Variants in MFNG observed in about 807,000 individuals in gnomAD.
MFNG encodes the protein MFNG O-fucosylpeptide 3-beta-N-acetylglucosaminyltransferase.
A neutral mutation model predicts 34.2 loss-of-function variants in MFNG; 24 were observed. The ratio of observed to expected loss-of-function variants is 0.70; its 90% CI spans 0.51 to 0.99. The LOEUF (loss-of-function observed/expected upper bound fraction) is 0.99. Among genes scored for constraint, MFNG ranks in the 50% least tolerant of loss-of-function variants. MFNG has a pLI of 0.00. For synonymous variants in MFNG, 158 were observed against 179.2 expected (o/e 0.88, Z 0.94); for missense variants, 383 against 424.0 (o/e 0.90, Z 0.85).
intron 3 of MFNG, 55 bp downstream of exon 3, chr22:37,480,142 G>T: frequency 2.1e-6 from 3 of 1,432,850 alleles, no homozygotes; most frequent in Non-Finnish European, 1.9e-6. Context: ...AGTCCCAGGG[G>T]TTATTTTCAC....
chr22:37,472,359 C>G (rs1489720289), intron 7 of MFNG, 84 bp downstream of exon 7: 1 of 1,049,966 alleles, frequency 9.5e-7, no homozygotes, highest in Non-Finnish European at 1.4e-6. Flanking sequence ...CTGTCCCACT[C>G]CACTCCCTCC....
chr22:37,481,500 A>C (rs956821343), intron 1 of MFNG: 4 of 152,340 alleles, frequency 2.6e-5, no homozygotes, highest in Non-Finnish European at 5.9e-5. Flanking sequence ...CTCAGCCCCT[A>C]CATAATCCAA....
In MFNG at chr22:37,479,417, G is replaced by A. The variant is rs765505658; in HGVS notation, c.489C>T (p.Arg163=). Residue 163 remains arginine (R), a synonymous_variant, in exon 4 of 8, where the codon CGC becomes CGT. Transcript: ENST00000356998. ...GGCTGGGCCTTCCCACATAGACGTC[G>A]CGGGCCAGCGGGAAGGCTCTCAGAA... is the stretch of plus-strand genomic sequence containing the variant. ...LQLLRAFPLA[R]DVYVGRPSLN... is the part of the protein sequence containing the mutation. 16 of 1,609,050 alleles carry A rather than the reference G, an allele frequency of 9.9e-6. No homozygotes were observed. The highest frequency in any genetic ancestry group is 5.5e-5 in the South Asian group (5 of 90,320).
At chr22:37,472,781 A>G in intron 6 of MFNG, 1 of 378,032 alleles carries the variant, frequency 2.6e-6, no homozygotes, top group African/African-American at 2.1e-5. Flanking sequence ...CAATACCCCC[A>G]TCTACAGATT....
intron 5 of MFNG, among the ~76,000 whole-genome samples, chr22:37,475,566 G>T (rs1922000871): frequency 6.6e-6 from 1 of 152,160 alleles, no homozygotes; most frequent in Admixed American, 6.5e-5. Flanking sequence ...AGGGGAGACA[G>T]GAACAGAGTC....
chr22:37,476,550 G>T (rs770122938), intron 5 of MFNG, among the ~76,000 whole-genome samples: 4 of 152,050 alleles, frequency 2.6e-5, no homozygotes, highest in Non-Finnish European at 2.9e-5. Context: ...GTCAGAAAAG[G>T]GCGGTAAATA....
intron 6 of MFNG, among the ~76,000 whole-genome samples, chr22:37,473,840 G>A (rs992297033): frequency 1.3e-5 from 2 of 152,256 alleles, no homozygotes; most frequent in African/African-American, 4.8e-5. Context: ...AGGTTAGCCA[G>A]TTCACGTTGA....
At position 37,474,669 on chromosome 22, in the gene MFNG, C is replaced by T. The variant is rs187717004; in HGVS notation, c.656G>A (p.Arg219His). ...GATGAGAGCAGATGTGTCCATGAAA[C>T]GGGAGCCACTGAGGGACAGAGCCAG... ...LKMAPWASGS[R>H]FMDTSALIRL... Residue 219 changes from arginine (R) to histidine (H), a missense_variant, in exon 6 of 8, where the codon CGT becomes CAT. By Grantham distance (29) the Arg-to-His change is conservative. Coordinates refer to ENST00000356998, the MANE Select transcript of MFNG (RefSeq NM_002405.4). 33 of 1,600,962 alleles carry T rather than the reference C, an allele frequency of 2.1e-5. No individual in the cohort carries two copies. In the African/African-American group the frequency reaches 2.7e-4, roughly 13 times the overall value.
intron 1 of MFNG, chr22:37,484,313 A>G (rs1345533415): frequency 6.9e-6 from 1 of 145,552 alleles, no homozygotes; most frequent in East Asian, 2.3e-4. Flanking sequence ...CGGTCCAGAC[A>G]CTCCTGCCCC....
chr22:37,479,441 A>C lies in MFNG; in HGVS notation c.465T>G (p.Leu155=). ...NYVNPRALLQ[L]LRAFPLARDV... is the part of the protein sequence containing the mutation. ...CGCGGGCCAGCGGGAAGGCTCTCAG[A>C]AGCTGCAGCAGCGCCCTTGGGTTCA... Residue 155 remains leucine, a synonymous_variant, in exon 4 of 8, where the codon CTT becomes CTG. Transcript: ENST00000356998. 6.2e-7 allele frequency: 1 copy of C among 1,609,794 alleles called. No homozygotes were observed.
chr22:37,476,824 G>A (rs1922062161), intron 5 of MFNG, 72 bp downstream of exon 5: 2 of 1,257,362 alleles, frequency 1.6e-6, no homozygotes, highest in Non-Finnish European at 2.3e-6. Context: ...CCTTCCTGCT[G>A]CAAAGGCCCC....
At chr22:37,477,919 A>G (rs997463548) in intron 4 of MFNG, among the ~76,000 whole-genome samples, 15 of 152,140 alleles carry the variant, frequency 9.9e-5, no homozygotes, top group African/African-American at 3.4e-4. Context: ...AGGTGAGGTG[A>G]CCTCAGTCAA....
chr22:37,474,574 G>A lies in MFNG; in HGVS notation c.751C>T (p.Pro251Ser), dbSNP rs1921954131. The change falls in exon 6 of 8, where the codon CCC becomes TCC. Residue 251 changes from proline (P) to serine (S), a missense_variant. Transcript: ENST00000356998. ...GTCTCCAGGTGGGAGTGAAAGAGGG[G>A]GCTGGGCTGCAGGCGGCCGCCCAGC... ...CKLGGRLQPSPLFHSHLETLQ... is the reference protein window; with the variant it reads ...CKLGGRLQPSSLFHSHLETLQ... 1 of 1,614,068 alleles carries A rather than the reference G, an allele frequency of 6.2e-7. No homozygotes were observed. The highest frequency in any genetic ancestry group is 8.5e-7 in the Non-Finnish European group (1 of 1,180,030).
At chr22:37,480,138 A>T (rs1181155878) in intron 3 of MFNG, 59 bp downstream of exon 3, 2 of 1,365,420 alleles carry the variant, frequency 1.5e-6, no homozygotes, top group African/African-American at 2.9e-5. Context: ...CAGGAGTCCC[A>T]GGGGTTATTT....
At position 37,469,680 on chromosome 22, in the gene MFNG, C is replaced by T; in HGVS notation, c.*283G>A. 3.9e-6 allele frequency: 2 copies of T among 515,388 alleles called. No individual in the cohort carries two copies. The allele number at this position is 515,388 out of a possible 1,614,324, so 31.9% of individuals were successfully genotyped here. On this transcript the variant is annotated 3_prime_UTR_variant, in exon 8 of 8. Coordinates refer to ENST00000356998, the MANE Select transcript of MFNG (RefSeq NM_002405.4). ...CCTGAGCCCCAGCCCAGCTCAAGTG[C>T]CCCCTGCCCTTTTTCAATTCAGCCT...
At position 37,474,577 on chromosome 22, in the gene MFNG, T is replaced by C. The variant is rs570555212; in HGVS notation, c.748A>G (p.Ser250Gly). The C allele has an allele frequency of 1.2e-6, 2 of 1,614,160 alleles. No homozygotes were observed. The highest frequency in any genetic ancestry group is 1.3e-5 in the African/African-American group (1 of 75,048). Residue 250 changes from serine (S) to glycine (G), a missense_variant, in exon 6 of 8, where the codon AGC (serine) becomes GGC (glycine). Physicochemically the swap from Ser to Gly is moderately conservative, Grantham distance 56 (BLOSUM62 0). Transcript: ENST00000356998. ...TCCAGGTGGGAGTGAAAGAGGGGGC[T>C]GGGCTGCAGGCGGCCGCCCAGCTTG... ...ECKLGGRLQP[S>G]PLFHSHLETL...
In MFNG at chr22:37,472,775, A is replaced by G. The variant is rs1921868745; in HGVS notation, c.814-247T>C. 3.6e-5 allele frequency: 14 copies of G among 392,644 alleles called. No homozygotes were observed. In the East Asian group the frequency reaches 6.5e-4, roughly 18 times the overall value. The allele number at this position is 392,644 out of a possible 1,614,324, so 24.3% of individuals were successfully genotyped here. On this transcript the variant is annotated intron_variant, in intron 6 of 7. Transcript: ENST00000356998. Reference sequence around the variant, plus strand: ...AGCTCCCCTGAGAAGCTGGAACAATACCCCCATCTACAGATTTGGAAACTG... The same window carrying G: ...AGCTCCCCTGAGAAGCTGGAACAATGCCCCCATCTACAGATTTGGAAACTG...
At chr22:37,480,604 C>A in intron 2 of MFNG, 117 bp downstream of exon 2, 2 of 992,606 alleles carry the variant, frequency 2.0e-6, no homozygotes, top group South Asian at 1.4e-5. Flanking sequence ...GGGGAATCTC[C>A]ACATGCCAAG....
rs201175429 is a variant in MFNG, at chr22:37,486,166, C to T, written c.12G>A (p.Arg4=). The T allele has an allele frequency of 1.3e-5, 21 of 1,577,734 alleles. 1 individual carries two copies. In the South Asian group the frequency reaches 2.0e-4, roughly 15 times the overall value. Residue 4 remains arginine (R), a synonymous_variant, in exon 1 of 8, where the codon CGG becomes CGA. Coordinates refer to ENST00000356998, the MANE Select transcript of MFNG (RefSeq NM_002405.4). The part of the protein sequence containing the change: MQC[R]LPRGLAGALL... ...GGGCTCCAGCCAGGCCCCGCGGGAG[C>T]CGGCACTGCATTGGTTGGCCCTGGG...
Sources: allele counts gnomAD v4.1 joint callset (sites outside exome capture counted in the v4.1 genomes callset), GRCh38; gene constraint gnomAD v4.1.1; transcripts MANE v1.5; gene names NCBI Gene and HGNC (gene_info 2026-07-23, HGNC 2026-07-21).